Variants in TBC1D32 observed in about 807,000 individuals in gnomAD.
TBC1D32 encodes TBC1 domain family member 32.
A neutral mutation model predicts 170.3 loss-of-function variants in TBC1D32; 151 were observed. The observed-to-expected ratio is 0.89, with a 90% CI of 0.78 to 1.01. The LOEUF is 1.01. Ranked by LOEUF, TBC1D32 falls within the 50% of genes least tolerant of loss-of-function variation. The probability of loss-of-function intolerance (pLI) is 0.00; values close to 1 mark genes in which losing one functional copy is unlikely to be tolerated. For missense variants in TBC1D32, 1,464 were observed against 1,457.1 expected (o/e 1.00, Z -0.08); for synonymous variants, 498 against 488.0 (o/e 1.02, Z -0.27).
rs140871338 is a variant in TBC1D32, at chr6:121,217,289, G to T, written c.2481+5947C>A. On this transcript the variant is annotated intron_variant, in intron 21 of 31. Coordinates refer to ENST00000398212, the MANE Select transcript of TBC1D32 (RefSeq NM_152730.6). ...GCCCACCAGAAGCAATTTGCCTTCA[G>T]CTGGCAAGGCCAGCAATATACCTTT... Among the ~76,000 whole-genome samples the T allele has an allele frequency of 2.8e-3, 420 of 152,344 alleles. 1 individual carries two copies. The highest frequency in any genetic ancestry group is 9.6e-3 in the African/African-American group (398 of 41,590).
chr6:121,227,558 T>C (rs987770742), intron 20 of TBC1D32, among the ~76,000 whole-genome samples: 1 of 150,388 alleles, frequency 6.6e-6, no homozygotes, highest in Non-Finnish European at 1.5e-5. Flanking sequence ...TTTCTACATA[T>C]GTTGAAATAA....
intron 20 of TBC1D32, among the ~76,000 whole-genome samples, chr6:121,233,523 G>C (rs983214805): frequency 8.6e-5 from 13 of 152,034 alleles, no homozygotes; most frequent in African/African-American, 3.1e-4. Flanking sequence ...TATAAGAATA[G>C]CTACTCCTGC....
At chr6:121,318,024 G>C (rs1044580053) in intron 2 of TBC1D32, among the ~76,000 whole-genome samples, 1 of 151,890 alleles carries the variant, frequency 6.6e-6, no homozygotes, top group Non-Finnish European at 1.5e-5. Flanking sequence ...CCAAAACCCA[G>C]GCTATTTTAT....
At position 121,242,286 on chromosome 6, in the gene TBC1D32, G is replaced by C. The variant is rs1302582365; in HGVS notation, c.2072C>G (p.Pro691Arg). ...LDDLLHFAAT[P>R]KGLLLLQRTG... Reference sequence around the variant, plus strand: ...TCTTTGAAGAAGTAGTAATCCTTTGGGGGTGGCAGCAAAATGTAGTAAATC... The same window carrying C: ...TCTTTGAAGAAGTAGTAATCCTTTGCGGGTGGCAGCAAAATGTAGTAAATC... Residue 691 changes from proline (P) to arginine (R), a missense_variant, in exon 18 of 32, where the codon CCC (proline) becomes CGC (arginine). Physicochemically the swap from Pro to Arg is moderately radical, Grantham distance 103. Around this residue, in one of 3 missense-constraint regions of TBC1D32, gnomAD observed 1,363 missense variants for 1,338.1 expected, o/e 1.02. Coordinates refer to ENST00000398212, the MANE Select transcript of TBC1D32 (RefSeq NM_152730.6). 1.9e-6 allele frequency: 3 copies of C among 1,612,426 alleles called. No individual in the cohort carries two copies. The African/African-American group carries it at 4.0e-5, about 22-fold the overall frequency.
At chr6:121,085,367 A>G (rs565473542) in intron 31 of TBC1D32, among the ~76,000 whole-genome samples, 1,112 of 100,674 alleles carry the variant, frequency 0.011, 12 homozygotes, top group African/African-American at 0.076. Context: ...ATACATATAT[A>G]TATGTGTATA....
intron 24 of TBC1D32, among the ~76,000 whole-genome samples, chr6:121,147,304 G>A (rs991822783): frequency 6.6e-6 from 1 of 152,186 alleles, no homozygotes; most frequent in Non-Finnish European, 1.5e-5. Flanking sequence ...GTTTTTGATA[G>A]AATGAGTTAT....
At position 121,263,223 on chromosome 6, in the gene TBC1D32, AAC is replaced by A. The variant is rs1563134425; in HGVS notation, c.1734-6940_1734-6939del. On this transcript the variant is annotated intron_variant, in intron 15 of 31. Transcript: ENST00000398212. Reference sequence around the variant, plus strand: ...ATATACACATAGGCTCAAAAAACAAAACAAAAAAAAGATAGAGGTAAATCTAC... The same window carrying A: ...ATATACACATAGGCTCAAAAAACAAAAAAAAAAAGATAGAGGTAAATCTAC... 3.5e-4 allele frequency among the ~76,000 whole-genome samples: 53 copies of A among 151,194 alleles called. No individual in the cohort carries two copies. The East Asian group carries it at 0.01, about 30-fold the overall frequency.
intron 22 of TBC1D32, among the ~76,000 whole-genome samples, chr6:121,186,553 G>A (rs10457414): frequency 0.37 from 56,025 of 151,894 alleles, 13,313 homozygotes; most frequent in Non-Finnish European, 0.54. Flanking sequence ...AAAGCCATAC[G>A]TCCACTTATA....
intron 22 of TBC1D32, among the ~76,000 whole-genome samples, chr6:121,185,601 G>A (rs1034727920): frequency 1.3e-5 from 2 of 152,054 alleles, no homozygotes; most frequent in African/African-American, 4.8e-5. Context: ...TCAGAAGATA[G>A]TAAATAACCC....
chr6:121,097,976 A>G (rs913463694), intron 30 of TBC1D32, among the ~76,000 whole-genome samples: 3 of 152,008 alleles, frequency 2.0e-5, no homozygotes, highest in East Asian at 3.9e-4. Flanking sequence ...CTTCTCACTC[A>G]TAAGTGGGAG....
chr6:121,192,053 A>ATAT lies in TBC1D32; in HGVS notation c.2570+13021_2570+13022insATA, dbSNP rs1158179800. On this transcript the variant is annotated intron_variant, in intron 22 of 31. Coordinates refer to ENST00000398212, the MANE Select transcript of TBC1D32 (RefSeq NM_152730.6). ...CTTGTGATCATGTAAGTTAATACTT[A>ATAT]ATAAACTACCCTTTATATATATATA... Among the ~76,000 whole-genome samples, 16 of 59,668 alleles carry ATAT rather than the reference A, an allele frequency of 2.7e-4. 1 individual carries two copies. Among genetic ancestry groups the ATAT allele is most frequent in the East Asian group, 1.5e-3 (2 of 1,298 alleles). 39.1% of individuals were successfully genotyped at this position (59,668 alleles called of 152,430 possible). A position where few individuals can be genotyped will look rare whatever the true frequency, so the allele number is the denominator to read the frequency against.
chr6:121,264,180 G>C (rs2128411280), intron 15 of TBC1D32, among the ~76,000 whole-genome samples: 1 of 152,068 alleles, frequency 6.6e-6, no homozygotes, highest in Admixed American at 6.6e-5. Context: ...TAGACCACTA[G>C]TTAGATTAAT....
chr6:121,236,157 T>C (rs1796309575), intron 20 of TBC1D32, among the ~76,000 whole-genome samples: 1 of 151,366 alleles, frequency 6.6e-6, no homozygotes. Flanking sequence ...GTAAAATTTA[T>C]GTATGAGCTA....
chr6:121,185,674 T>C (rs908588157), intron 22 of TBC1D32, among the ~76,000 whole-genome samples: 2 of 152,060 alleles, frequency 1.3e-5, no homozygotes, highest in African/African-American at 4.8e-5. Flanking sequence ...TCTTACACCA[T>C]ACACAAAACT....
At chr6:121,266,345 C>T (rs940976215) in intron 15 of TBC1D32, among the ~76,000 whole-genome samples, 1 of 152,040 alleles carries the variant, frequency 6.6e-6, no homozygotes, top group East Asian at 1.9e-4. Context: ...TAGAGAAATG[C>T]AAATCAAAAC....
chr6:121,332,904 G>A (rs189449605), intron 1 of TBC1D32, among the ~76,000 whole-genome samples: 2 of 152,040 alleles, frequency 1.3e-5, no homozygotes, highest in Admixed American at 6.6e-5. Flanking sequence ...AAAAGAAACC[G>A]TAAGTATAAT....
chr6:121,135,320 G>A (rs1781933037), intron 24 of TBC1D32, among the ~76,000 whole-genome samples: 2 of 151,860 alleles, frequency 1.3e-5, no homozygotes, highest in Admixed American at 6.6e-5. Context: ...TTTATAATCA[G>A]GAAAAAAAGA....
intron 20 of TBC1D32, among the ~76,000 whole-genome samples, chr6:121,233,172 T>C (rs1032652072): frequency 6.6e-6 from 1 of 152,168 alleles, no homozygotes; most frequent in Non-Finnish European, 1.5e-5. Flanking sequence ...GATGAAAGAA[T>C]GTATATTCTG....
chr6:121,171,166 A>G (rs1007261486), intron 22 of TBC1D32, among the ~76,000 whole-genome samples: 1 of 152,026 alleles, frequency 6.6e-6, no homozygotes. Context: ...CAGGAAACAC[A>G]GGCATTAGAG....
Sources: allele counts gnomAD v4.1 joint callset (sites outside exome capture counted in the v4.1 genomes callset), GRCh38; gene constraint gnomAD v4.1.1; regional missense constraint gnomAD v4.1.1; transcripts MANE v1.5; gene names NCBI Gene and HGNC (gene_info 2026-07-23, HGNC 2026-07-21).